The following TRAK1 variants were observed in gnomAD, a reference collection of about 807,000 sequenced individuals.
The protein encoded by TRAK1 is trafficking kinesin protein 1.
In TRAK1, 33 loss-of-function variants were observed where a neutral mutation model predicts 92.1. The ratio of observed to expected loss-of-function variants is 0.36; its 90% confidence interval spans 0.27 to 0.48. TRAK1 has a LOEUF of 0.48. TRAK1 is among the 20% of genes least tolerant of loss of function. The pLI is 0.99. For missense variants in TRAK1, 1,123 were observed against 1,257.9 expected, an observed-to-expected ratio of 0.89 and a Z score of 1.62; for synonymous variants, 521 against 517.3, an observed-to-expected ratio of 1.01 and a Z score of -0.10.
chr3:42,112,181 G>T (rs1265819332), intron 1 of TRAK1, among the ~76,000 whole-genome samples: 1 of 120,750 alleles, frequency 8.3e-6, no homozygotes, highest in East Asian at 2.4e-4. Context: ...TTACTCTGTC[G>T]CCCAGGCTGG....
chr3:42,131,139 C>T (rs1162624126), intron 2 of TRAK1, among the ~76,000 whole-genome samples: 4 of 152,240 alleles, frequency 2.6e-5, no homozygotes, highest in South Asian at 2.1e-4. Flanking sequence ...CATGAGGACC[C>T]GGAGTATCTG....
At chr3:42,149,558 A>G (rs1408368287) in intron 2 of TRAK1, 1 of 1,535,976 alleles carries the variant, frequency 6.5e-7, no homozygotes, top group African/African-American at 1.4e-5. Context: ...ATCGAAGCGG[A>G]TTATTATGAA....
chr3:42,220,558 G>A (rs1710247187), intron 15 of TRAK1: 1 of 985,424 alleles, frequency 1.0e-6, no homozygotes, highest in Non-Finnish European at 1.2e-6. Context: ...GGAGATATAG[G>A]GCAGAGAGTC....
Position 42,153,173 on chromosome 3 carries a change from G to C in TRAK1, c.287-23641G>C, listed in dbSNP as rs76225722. 7.9e-3 allele frequency among the ~76,000 whole-genome samples: 1,208 copies of C among 152,280 alleles called. 34 individuals carry two copies. In the East Asian group the frequency reaches 0.089, roughly 11 times the overall value. On this transcript the variant is annotated intron_variant, in intron 2 of 15. Coordinates refer to ENST00000327628, the MANE Select transcript of TRAK1 (RefSeq NM_001042646.3). ...AGCCCAGCATTTTGGCAGGCTAAAGGGGGGAGGATCACTTGAGGCCAGGAG... is the reference window on the plus strand; with the variant it reads ...AGCCCAGCATTTTGGCAGGCTAAAGCGGGGAGGATCACTTGAGGCCAGGAG...
chr3:42,163,311 C>T (rs1030391122), intron 2 of TRAK1, among the ~76,000 whole-genome samples: 1 of 152,156 alleles, frequency 6.6e-6, no homozygotes, highest in African/African-American at 2.4e-5. Flanking sequence ...TGGCTCACAC[C>T]TGTAATCCCA....
At chr3:42,076,390 T>C (rs116213979) in intron 1 of TRAK1, among the ~76,000 whole-genome samples, 2,383 of 151,354 alleles carry the variant, frequency 0.016, 63 homozygotes, top group African/African-American at 0.054. Context: ...CACGCCCAGC[T>C]GATTTGCATA....
rs1699707371 is a variant in TRAK1, at chr3:42,149,466, G to A, written c.286+23852G>A. On this transcript the variant is annotated intron_variant, in intron 2 of 15. Transcript: ENST00000327628. ...TCCAGTATTCTGGAAGGGCGGGGAG[G>A]CATGGCAGCGTTTTACTTGACGTTG... 4 of 1,534,322 alleles carry A rather than the reference G, an allele frequency of 2.6e-6. No individual in the cohort carries two copies. The South Asian group carries it at 4.8e-5, about 18-fold the overall frequency.
At chr3:42,113,947 C>G (rs1342828704) in intron 1 of TRAK1, among the ~76,000 whole-genome samples, 4 of 152,134 alleles carry the variant, frequency 2.6e-5, no homozygotes, top group African/African-American at 9.7e-5. Context: ...TTTCATCACC[C>G]CAAAAGGAAA....
At chr3:42,063,184 A>G (rs1395100798) in intron 1 of TRAK1, among the ~76,000 whole-genome samples, 1 of 152,240 alleles carries the variant, frequency 6.6e-6, no homozygotes, top group Non-Finnish European at 1.5e-5. Flanking sequence ...ATATTTTCTG[A>G]CTGCCTTCCA....
Position 42,058,186 on chromosome 3 carries a change from T to C in TRAK1, c.-518-28918T>C, listed in dbSNP as rs1200783269. Among the ~76,000 whole-genome samples, 5 of 152,330 alleles carry C rather than the reference T, an allele frequency of 3.3e-5. No homozygotes were observed. In the South Asian group the frequency reaches 6.2e-4, roughly 19 times the overall value. On this transcript the variant is annotated intron_variant, in intron 1 of 16. Coordinates refer to the TRAK1 transcript ENST00000487159. ...TTGGAACCTCCTCATCTTTAAAATATAGATAATACTCATGTACCTTGGCAG... is the reference window on the plus strand; with the variant it reads ...TTGGAACCTCCTCATCTTTAAAATACAGATAATACTCATGTACCTTGGCAG...
chr3:42,028,539 A>G (rs1421202603), intron 1 of TRAK1, among the ~76,000 whole-genome samples: 1 of 152,168 alleles, frequency 6.6e-6, no homozygotes, highest in Non-Finnish European at 1.5e-5. Context: ...GTGGCAGCAG[A>G]GGTGTCTTTA....
intron 1 of TRAK1, among the ~76,000 whole-genome samples, chr3:42,062,076 G>A (rs1283731020): frequency 6.6e-6 from 1 of 152,226 alleles, no homozygotes; most frequent in Non-Finnish European, 1.5e-5. Context: ...TCATGGCTGA[G>A]AGAGATCCTG....
intron 2 of TRAK1, among the ~76,000 whole-genome samples, chr3:42,134,169 TC>T (rs1697588067): frequency 1.5e-5 from 2 of 134,128 alleles, no homozygotes; most frequent in South Asian, 2.9e-4. Flanking sequence ...CCCTTCCCCT[TC>T]CCCTTCCTCT....
At position 42,225,175 on chromosome 3, in the gene TRAK1, T is replaced by C. The variant is rs1175578898; in HGVS notation, c.*1438T>C. The C allele has an allele frequency of 6.6e-6, 1 of 152,204 alleles. No individual in the cohort carries two copies. Among genetic ancestry groups the C allele is most frequent in the East Asian group, 1.9e-4 (1 of 5,200 alleles). The allele number at this position is 152,204 out of a possible 1,614,324, so 9.4% of individuals were successfully genotyped here. A position where few individuals can be genotyped will look rare whatever the true frequency, so the allele number is the denominator to read the frequency against. On this transcript the variant is annotated 3_prime_UTR_variant, in exon 16 of 16. Coordinates refer to ENST00000327628, the MANE Select transcript of TRAK1 (RefSeq NM_001042646.3). ...CATTCCAGTCCAACCATGTGACTTATTTATTCTAATTTGAGGGCTGCACTG... is the reference window on the plus strand; with the variant it reads ...CATTCCAGTCCAACCATGTGACTTACTTATTCTAATTTGAGGGCTGCACTG...
intron 1 of TRAK1, among the ~76,000 whole-genome samples, chr3:42,082,191 A>G (rs1351219744): frequency 6.6e-6 from 1 of 152,198 alleles, no homozygotes; most frequent in African/African-American, 2.4e-5. Context: ...TACTAGGAGG[A>G]GAAACAGTAG....
At chr3:42,094,222 A>C (rs1705561296) in intron 1 of TRAK1, among the ~76,000 whole-genome samples, 1 of 152,208 alleles carries the variant, frequency 6.6e-6, no homozygotes. Context: ...TGCCAGGCTC[A>C]GGCTGAGCAG....
In TRAK1 at chr3:42,202,646, C is replaced by G; in HGVS notation, c.1638C>G (p.Ser546=). Residue 546 remains serine, a synonymous_variant, in exon 13 of 16, where the codon TCC becomes TCG. Coordinates refer to ENST00000327628, the MANE Select transcript of TRAK1 (RefSeq NM_001042646.3). The surrounding 1 kb of genome is among the most constrained non-coding windows in gnomAD (Gnocchi z 6.1). ...TCACACCCACTGAGAGCATCATGTCCCTGGGCACGCACTCCCGCTTCTCCG... is the reference window on the plus strand; with the variant it reads ...TCACACCCACTGAGAGCATCATGTCGCTGGGCACGCACTCCCGCTTCTCCG... ...GSLTPTESIM[S]LGTHSRFSEF... The G allele has an allele frequency of 6.2e-7, 1 of 1,612,346 alleles. No individual in the cohort carries two copies. Among genetic ancestry groups the G allele is most frequent in the Non-Finnish European group, 8.5e-7 (1 of 1,178,612 alleles).
At chr3:42,092,348 T>C (rs928194978) in intron 1 of TRAK1, among the ~76,000 whole-genome samples, 6 of 152,214 alleles carry the variant, frequency 3.9e-5, no homozygotes, top group Non-Finnish European at 8.8e-5. Context: ...GAGCTCCTGT[T>C]CCATTCCAGT....
intron 1 of TRAK1, among the ~76,000 whole-genome samples, chr3:42,018,100 A>C (rs1216481747): frequency 6.6e-6 from 1 of 150,928 alleles, no homozygotes; most frequent in Non-Finnish European, 1.5e-5. Flanking sequence ...AAAAAAAAAA[A>C]AAAAAGACAA....
Sources: allele counts gnomAD v4.1 joint callset (sites outside exome capture counted in the v4.1 genomes callset), GRCh38; gene constraint gnomAD v4.1.1; non-coding constraint Gnocchi (gnomAD v3.1); transcripts MANE v1.5; gene names NCBI Gene and HGNC (gene_info 2026-07-23, HGNC 2026-07-21).